Variants in USF1 observed in about 807,000 individuals in gnomAD.
USF1 encodes upstream stimulatory factor 1.
In USF1, 22 loss-of-function variants were observed where a neutral mutation model predicts 46.3. The observed-to-expected ratio is 0.47, with a 90% CI of 0.34 to 0.68. The LOEUF (loss-of-function observed/expected upper bound fraction) is 0.68, where lower values mean the gene tolerates loss of function less well. Ranked by LOEUF, USF1 falls within the 30% of genes least tolerant of loss-of-function variation. The probability of loss-of-function intolerance (pLI) is 0.01; values close to 1 mark genes in which losing one functional copy is unlikely to be tolerated. For synonymous variants in USF1, 150 were observed against 147.0 expected, an observed-to-expected ratio of 1.02 and a Z score of -0.15; for missense variants, 287 against 399.3, an observed-to-expected ratio of 0.72 and a Z score of 2.40.
Position 161,039,620 on chromosome 1 carries a change from C to A in USF1, c.*300G>T, listed in dbSNP as rs372439711. Reference sequence around the variant, plus strand: ...GCACTCTAAGCAAGCACAGGACAAGCCCCAGAGTTTAGTGTGTCCAGTATC... The same window carrying A: ...GCACTCTAAGCAAGCACAGGACAAGACCCAGAGTTTAGTGTGTCCAGTATC... On this transcript the variant is annotated 3_prime_UTR_variant, in exon 11 of 11. Coordinates refer to ENST00000368021, the MANE Select transcript of USF1 (RefSeq NM_007122.5). The A allele has an allele frequency of 2.7e-6, 1 of 376,910 alleles. No homozygotes were observed. Among genetic ancestry groups the A allele is most frequent in the South Asian group, 2.9e-5 (1 of 34,144 alleles). 23.3% of individuals were successfully genotyped at this position (376,910 alleles called of 1,614,324 possible).
At chr1:161,041,060 G>A (rs935444700) in intron 7 of USF1, among the ~76,000 whole-genome samples, 188 bp from the exon 8 acceptor site, 2 of 151,870 alleles carry the variant, frequency 1.3e-5, no homozygotes, top group African/African-American at 2.4e-5. Context: ...TCAGGAGTTC[G>A]AGACCAGCCT....
chr1:161,044,607 T>C (rs1241987748), intron 1 of USF1, among the ~76,000 whole-genome samples: 1 of 151,874 alleles, frequency 6.6e-6, no homozygotes, highest in Non-Finnish European at 1.5e-5. Context: ...ATTTTATTCA[T>C]CAAGCCTTCC....
rs1650444787 is a variant in USF1, at chr1:161,039,810, C to T, written c.*110G>A. On this transcript the variant is annotated 3_prime_UTR_variant, in exon 11 of 11. Transcript: ENST00000368021. The stretch of plus-strand genomic sequence containing the variant: ...GTTCAAGGACACACCTTCTGAACTT[C>T]CCCCTGTCCCATGCCAGAAGTGGGG... 6 of 1,136,534 alleles carry T rather than the reference C, an allele frequency of 5.3e-6. No homozygotes were observed. Among genetic ancestry groups the T allele is most frequent in the Non-Finnish European group, 7.7e-6 (6 of 782,434 alleles). The allele number at this position is 1,136,534 out of a possible 1,614,324, so 70.4% of individuals were successfully genotyped here.
Position 161,041,597 on chromosome 1 carries a change from T to C in USF1, c.472+54A>G. The stretch of plus-strand genomic sequence containing the variant: ...GTGAAGGCTCACTGCCTACCAGTCA[T>C]GTCCCACAGCCTATTCTAGCCCTTT... On this transcript the variant is annotated intron_variant, in intron 6 of 10. Coordinates refer to ENST00000368021, the MANE Select transcript of USF1 (RefSeq NM_007122.5). The C allele has an allele frequency of 7.0e-6, 11 of 1,567,262 alleles. No individual in the cohort carries two copies. In the South Asian group the frequency reaches 8.2e-5, roughly 12 times the overall value.
intron 3 of USF1, 56 bp downstream of exon 3, chr1:161,042,777 G>A: frequency 6.2e-7 from 1 of 1,613,084 alleles, no homozygotes; most frequent in Non-Finnish European, 8.5e-7. Context: ...GGTCTGGTGG[G>A]GAAGGAAGGG....
rs770972784 is a variant in USF1 at position 161,042,862 on chromosome 1, G to A, written c.29C>T (p.Thr10Met). Residue 10 changes from threonine (T) to methionine (M), a missense_variant, in exon 3 of 11, where the codon ACG becomes ATG. Thr to Met is a moderately conservative substitution (Grantham distance 81). Coordinates refer to ENST00000368021, the MANE Select transcript of USF1 (RefSeq NM_007122.5). The stretch of plus-strand genomic sequence containing the variant: ...CTGAATCTGCACTGTCCCCTCTTCC[G>A]TTTCAGCTGTTTTCTGCTGCCTGTT... MKGQQKTAE[T>M]EEGTVQIQEG... 3.0e-5 allele frequency: 48 copies of A among 1,614,016 alleles called. No homozygotes were observed. Among genetic ancestry groups the A allele is most frequent in the Admixed American group, 3.3e-5 (2 of 59,986 alleles).
In USF1 at chr1:161,040,608, C is replaced by A; in HGVS notation, c.682G>T (p.Asp228Tyr). ...GACTTGGTGCTCTCCATAGAGCAGTCTGGGATTATCTTGGAGAGCTGCACG... is the reference window on the plus strand; with the variant it reads ...GACTTGGTGCTCTCCATAGAGCAGTATGGGATTATCTTGGAGAGCTGCACG... ...WIVQLSKIIP[D>Y]CSMESTKSGQ... The change falls in exon 9 of 11, where the codon GAC becomes TAC. Residue 228 changes from aspartate (D) to tyrosine (Y), a missense_variant. Coordinates refer to ENST00000368021, the MANE Select transcript of USF1 (RefSeq NM_007122.5). This position sits in a 1 kb window ranked among gnomAD's most constrained non-coding sequence, Gnocchi z 4.0. The A allele has an allele frequency of 6.2e-7, 1 of 1,612,616 alleles. No individual in the cohort carries two copies. Among genetic ancestry groups the A allele is most frequent in the Non-Finnish European group, 8.5e-7 (1 of 1,179,840 alleles).
rs148319888 is a variant in USF1, at chr1:161,041,914, C to T, written c.277-68G>A. ...AACTTCTTCCCACTACACCACTCTG[C>T]AGCTTCTATCCGTTGGGGTGGTAGG... On this transcript the variant is annotated intron_variant, in intron 5 of 10. Coordinates refer to ENST00000368021, the MANE Select transcript of USF1 (RefSeq NM_007122.5). 3.0e-5 allele frequency: 45 copies of T among 1,499,376 alleles called. No homozygotes were observed. In the East Asian group the frequency reaches 9.3e-4, roughly 31 times the overall value. 92.9% of individuals were successfully genotyped at this position (1,499,376 alleles called of 1,614,324 possible). A position where few individuals can be genotyped will look rare whatever the true frequency, so the allele number is the denominator to read the frequency against.
rs116502780 is a variant in USF1 at position 161,045,163 on chromosome 1, A to T, written c.-86+695T>A. 2.5e-3 allele frequency among the ~76,000 whole-genome samples: 388 copies of T among 152,296 alleles called. 4 individuals are homozygous for T. Among genetic ancestry groups the T allele is most frequent in the African/African-American group, 8.6e-3 (356 of 41,566 alleles). On this transcript the variant is annotated intron_variant, in intron 1 of 10. Transcript: ENST00000368021. Reference sequence around the variant, plus strand: ...AAGGCAATGAAATAGAGGGCCCGGCACAGGAGGCATCTCTATTGGCCACAG... The same window carrying T: ...AAGGCAATGAAATAGAGGGCCCGGCTCAGGAGGCATCTCTATTGGCCACAG...
In USF1 at chr1:161,040,022, G is replaced by T; in HGVS notation, c.844-13C>A. ...TAAGATCTTCCACCTGACATGGGAA[G>T]GAGGCAGTAAAGGGAATGGGTAGTA... is the stretch of plus-strand genomic sequence containing the variant. On this transcript the variant is annotated splice_polypyrimidine_tract_variant and intron_variant, in intron 10 of 10. Coordinates refer to ENST00000368021, the MANE Select transcript of USF1 (RefSeq NM_007122.5). This position sits in a 1 kb window ranked among gnomAD's most constrained non-coding sequence, Gnocchi z 4.0. 1 of 1,614,140 alleles carries T rather than the reference G, an allele frequency of 6.2e-7. No homozygotes were observed.
rs1275710587 is a variant in USF1, at chr1:161,041,323, C to T, written c.560+1G>A. 1 of 1,598,780 alleles carries T rather than the reference C, an allele frequency of 6.3e-7. No homozygotes were observed. ...TCTGAGAAGAAACAAGGGTCACTCA[C>T]GGGGAATAAGGGTGAGTCCTAGGGG... On this transcript the variant is annotated splice_donor_variant, in intron 7 of 10. Transcript: ENST00000368021. LOFTEE classifies it high-confidence loss of function.
chr1:161,041,177 G>T, intron 7 of USF1, 147 bp downstream of exon 7: 1 of 742,508 alleles, frequency 1.3e-6, no homozygotes, highest in Non-Finnish European at 2.1e-6. Context: ...CATGAGAAAC[G>T]CTTGAACCCT....
intron 1 of USF1, among the ~76,000 whole-genome samples, chr1:161,043,961 T>TTC (rs1553214134): frequency 6.8e-6 from 1 of 147,738 alleles, no homozygotes; most frequent in African/African-American, 2.5e-5. Flanking sequence ...TTTTTTTTTT[T>TTC]CTGAGACAGA....
chr1:161,040,462 C>A lies in USF1; in HGVS notation c.714+114G>T. ...ATAATATCTCCCAGGGATACAGGAACCTCAGGGAGAGATAAGACTACTGTC... is the reference window on the plus strand; with the variant it reads ...ATAATATCTCCCAGGGATACAGGAAACTCAGGGAGAGATAAGACTACTGTC... On this transcript the variant is annotated intron_variant, in intron 9 of 10. Transcript: ENST00000368021. The surrounding 1 kb of genome is among the most constrained non-coding windows in gnomAD (Gnocchi z 4.0). The A allele has an allele frequency of 6.4e-7, 1 of 1,551,908 alleles. No individual in the cohort carries two copies. The highest frequency in any genetic ancestry group is 1.2e-5 in the South Asian group (1 of 83,712).
chr1:161,044,587 A>G (rs1650718470), intron 1 of USF1, among the ~76,000 whole-genome samples: 1 of 152,200 alleles, frequency 6.6e-6, no homozygotes, highest in Non-Finnish European at 1.5e-5. Flanking sequence ...ATCCTCTTCA[A>G]GCATTCTCTA....
chr1:161,041,210 TGAG>T (rs1335051188), intron 7 of USF1, 111 bp downstream of exon 7: 11 of 926,220 alleles, frequency 1.2e-5, no homozygotes, highest in East Asian at 1.1e-4. Flanking sequence ...TGCAGTGAGC[TGAG>T]ATCATGCCAC....
Position 161,039,932 on chromosome 1 carries a change from A to T in USF1, c.921T>A (p.Asn307Lys). Residue 307 changes from asparagine (N) to lysine (K), a missense_variant, in exon 11 of 11, where the codon AAT becomes AAA. Asn to Lys is a moderately conservative substitution (Grantham distance 94, BLOSUM62 0). Coordinates refer to ENST00000368021, the MANE Select transcript of USF1 (RefSeq NM_007122.5). ...TGAATCCCCATAGTTAGTTGCTGTC[A>T]TTCTTGATGACGACCTCTAATCCGT... Reference protein sequence around the residue: ...RHHGLEVVIKNDSN With the variant: ...RHHGLEVVIKKDSN 6.2e-7 allele frequency: 1 copy of T among 1,614,200 alleles called. No individual in the cohort carries two copies.
In USF1 at chr1:161,039,802, C is replaced by A; in HGVS notation, c.*118G>T. On this transcript the variant is annotated 3_prime_UTR_variant, in exon 11 of 11. Coordinates refer to ENST00000368021, the MANE Select transcript of USF1 (RefSeq NM_007122.5). Reference sequence around the variant, plus strand: ...GGGCCTCAGTTCAAGGACACACCTTCTGAACTTCCCCCTGTCCCATGCCAG... The same window carrying A: ...GGGCCTCAGTTCAAGGACACACCTTATGAACTTCCCCCTGTCCCATGCCAG... 9.5e-7 allele frequency: 1 copy of A among 1,052,250 alleles called. No individual in the cohort carries two copies. Among genetic ancestry groups the A allele is most frequent in the East Asian group, 2.5e-5 (1 of 40,336 alleles). The allele number at this position is 1,052,250 out of a possible 1,614,324, so 65.2% of individuals were successfully genotyped here.
rs561471631 is a variant in USF1, at chr1:161,040,913, A to G, written c.561-41T>C. On this transcript the variant is annotated intron_variant, in intron 7 of 10. Transcript: ENST00000368021. The surrounding 1 kb of genome is among the most constrained non-coding windows in gnomAD (Gnocchi z 4.0). ...AGGGTGGCCAGAGTAAGAAGACAAAATACATGATTGAAGTTTGGGGTTAAG... is the reference window on the plus strand; with the variant it reads ...AGGGTGGCCAGAGTAAGAAGACAAAGTACATGATTGAAGTTTGGGGTTAAG... The G allele has an allele frequency of 1.9e-5, 30 of 1,613,144 alleles. No individual in the cohort carries two copies. Among genetic ancestry groups the G allele is most frequent in the Non-Finnish European group, 2.5e-5 (29 of 1,179,430 alleles).
Sources: allele counts gnomAD v4.1 joint callset (sites outside exome capture counted in the v4.1 genomes callset), GRCh38; gene constraint gnomAD v4.1.1; non-coding constraint Gnocchi (gnomAD v3.1); transcripts MANE v1.5; gene names NCBI Gene and HGNC (gene_info 2026-07-23, HGNC 2026-07-21).